The following ULK4 variants were observed in gnomAD, a reference collection of about 807,000 sequenced individuals.
The protein encoded by ULK4 is inactive serine/threonine-protein kinase ULK4.
A neutral mutation model predicts 160.6 loss-of-function variants in ULK4; 133 were observed. That is an observed-to-expected ratio of 0.83 (90% confidence interval 0.72 to 0.96). The LOEUF (loss-of-function observed/expected upper bound fraction) is 0.96, where lower values mean the gene tolerates loss of function less well. ULK4 is among the 40% of genes least tolerant of loss of function. The pLI is 0.00. For missense variants in ULK4, 1,580 were observed against 1,499.5 expected (o/e 1.05, Z -0.89); for synonymous variants, 534 against 539.8 (o/e 0.99, Z 0.15).
intron 31 of ULK4, among the ~76,000 whole-genome samples, chr3:41,597,305 G>A (rs898598708): frequency 6.6e-6 from 1 of 152,190 alleles, no homozygotes; most frequent in African/African-American, 2.4e-5. Context: ...GGCTCAGGGA[G>A]CTTCCTTTCT....
In ULK4 at chr3:41,413,345, CTA is replaced by C. The variant is rs371027359; in HGVS notation, c.3493-15083_3493-15082del. ...TCAGGCGTGAATATAAAAGCTGAAACTATAAAATTTCTAAGAGAAAACATGGG... is the reference window on the plus strand; with the variant it reads ...TCAGGCGTGAATATAAAAGCTGAAACTAAAATTTCTAAGAGAAAACATGGG... On this transcript the variant is annotated intron_variant, in intron 34 of 36. Coordinates refer to ENST00000301831, the MANE Select transcript of ULK4 (RefSeq NM_017886.4). 1.2e-4 allele frequency among the ~76,000 whole-genome samples: 18 copies of C among 152,152 alleles called. No homozygotes were observed. The East Asian group carries it at 3.5e-3, about 29-fold the overall frequency.
chr3:41,478,278 A>C (rs143331287), intron 32 of ULK4, among the ~76,000 whole-genome samples: 118 of 152,336 alleles, frequency 7.7e-4, no homozygotes, highest in African/African-American at 2.7e-3. Context: ...AATCCGAAAG[A>C]ACCTGATGAA....
In ULK4 at chr3:41,882,504, A is replaced by G. The variant is rs189431555; in HGVS notation, c.1656+1370T>C. On this transcript the variant is annotated intron_variant, in intron 17 of 36. Transcript: ENST00000301831. ...TTCAACAAATCTGAAACTATCATCC[A>G]TGCCTTTTTAGTTCATAATCTTTAT... Among the ~76,000 whole-genome samples, 46 of 152,358 alleles carry G rather than the reference A, an allele frequency of 3.0e-4. No homozygotes were observed. In the East Asian group the frequency reaches 7.1e-3, roughly 24 times the overall value.
intron 27 of ULK4, among the ~76,000 whole-genome samples, chr3:41,698,274 T>C (rs2036563703): frequency 6.6e-6 from 1 of 152,190 alleles, no homozygotes; most frequent in African/African-American, 2.4e-5. Context: ...AAATCTGAAA[T>C]GCTCTAAAAT....
At chr3:41,733,298 T>A (rs538058025) in intron 22 of ULK4, among the ~76,000 whole-genome samples, 1 of 152,172 alleles carries the variant, frequency 6.6e-6, no homozygotes, top group East Asian at 1.9e-4. Flanking sequence ...TTGCAGTGAC[T>A]GCATCACACA....
At chr3:41,282,976 G>C (rs2079388630) in intron 35 of ULK4, among the ~76,000 whole-genome samples, 1 of 152,100 alleles carries the variant, frequency 6.6e-6, no homozygotes, top group Non-Finnish European at 1.5e-5. Flanking sequence ...CCATCAAAAA[G>C]TTGGCAAATG....
At chr3:41,380,032 A>T (rs1464750388) in intron 35 of ULK4, among the ~76,000 whole-genome samples, 1 of 152,192 alleles carries the variant, frequency 6.6e-6, no homozygotes, top group Non-Finnish European at 1.5e-5. Flanking sequence ...CAAGTGAAGA[A>T]AAAAATTAAA....
At chr3:41,601,758 C>T (rs2032078120) in intron 31 of ULK4, among the ~76,000 whole-genome samples, 1 of 152,168 alleles carries the variant, frequency 6.6e-6, no homozygotes, top group African/African-American at 2.4e-5. Flanking sequence ...ACCAGTGCAA[C>T]TCAAACCCAC....
chr3:41,543,281 T>C (rs1371261890), intron 32 of ULK4, among the ~76,000 whole-genome samples: 1 of 152,048 alleles, frequency 6.6e-6, no homozygotes, highest in Non-Finnish European at 1.5e-5. Context: ...GTCATCAAGA[T>C]TGAAAGGAAC....
chr3:41,439,729 AT>A (rs943614194), intron 34 of ULK4, among the ~76,000 whole-genome samples: 7 of 152,106 alleles, frequency 4.6e-5, no homozygotes, highest in African/African-American at 1.7e-4. Flanking sequence ...TTTCATGTAA[AT>A]TTTAAAGCTA....
chr3:41,434,447 T>C (rs1190130945), intron 34 of ULK4, among the ~76,000 whole-genome samples: 5 of 152,194 alleles, frequency 3.3e-5, no homozygotes, highest in South Asian at 4.1e-4. Context: ...TACCCACACA[T>C]ATACATATAA....
chr3:41,869,704 A>T (rs1367966062), intron 17 of ULK4, among the ~76,000 whole-genome samples: 2 of 152,136 alleles, frequency 1.3e-5, no homozygotes, highest in Non-Finnish European at 2.9e-5. Flanking sequence ...AACTGCTGTC[A>T]TATATTTTGC....
chr3:41,526,126 T>C (rs1412526926), intron 32 of ULK4, among the ~76,000 whole-genome samples: 8 of 152,212 alleles, frequency 5.3e-5, no homozygotes, highest in South Asian at 2.1e-4. Context: ...GAACCTCTCA[T>C]TGAACTCTTT....
At chr3:41,604,797 AC>A (rs1051503728) in intron 31 of ULK4, among the ~76,000 whole-genome samples, 1 of 152,106 alleles carries the variant, frequency 6.6e-6, no homozygotes, top group Non-Finnish European at 1.5e-5. Context: ...GACCCAGGAT[AC>A]CTTCTACCCG....
chr3:41,354,710 T>C (rs929040451), intron 35 of ULK4, among the ~76,000 whole-genome samples: 1 of 152,170 alleles, frequency 6.6e-6, no homozygotes, highest in African/African-American at 2.4e-5. Flanking sequence ...CACTCTGAGA[T>C]GGGGCAAGCA....
intron 21 of ULK4, among the ~76,000 whole-genome samples, chr3:41,760,145 A>C (rs775943316): frequency 1.3e-5 from 2 of 152,188 alleles, no homozygotes; most frequent in Non-Finnish European, 2.9e-5. Flanking sequence ...ACATTTCACT[A>C]AAGAAAATAT....
chr3:41,383,658 A>C (rs1424006959), intron 35 of ULK4, among the ~76,000 whole-genome samples: 4 of 152,334 alleles, frequency 2.6e-5, no homozygotes, highest in African/African-American at 9.6e-5. Flanking sequence ...GGAAATATTC[A>C]GGGATTGAAT....
Position 41,297,225 on chromosome 3 carries a change from T to C in ULK4, c.3679-47651A>G, listed in dbSNP as rs532222899. On this transcript the variant is annotated intron_variant, in intron 35 of 36. Coordinates refer to ENST00000301831, the MANE Select transcript of ULK4 (RefSeq NM_017886.4). ...CATGGAGGTCCCCATCTATTTACTG[T>C]GCATGGGCTTTGTGATCCTGGACTC... Among the ~76,000 whole-genome samples, 91 of 152,324 alleles carry C rather than the reference T, an allele frequency of 6.0e-4. 1 individual carries two copies. Among genetic ancestry groups the C allele is most frequent in the Admixed American group, 1.8e-3 (27 of 15,306 alleles).
At chr3:41,364,903 T>C (rs1197656815) in intron 35 of ULK4, among the ~76,000 whole-genome samples, 5 of 152,176 alleles carry the variant, frequency 3.3e-5, no homozygotes, top group African/African-American at 9.7e-5. Context: ...TCAAAAGATA[T>C]GCATATGAAT....
Sources: allele counts gnomAD v4.1 joint callset (sites outside exome capture counted in the v4.1 genomes callset), GRCh38; gene constraint gnomAD v4.1.1; transcripts MANE v1.5; gene names NCBI Gene and HGNC (gene_info 2026-07-23, HGNC 2026-07-21).